The following RNF216 variants were observed in gnomAD, a reference collection of about 807,000 sequenced individuals.
RNF216 encodes ring finger protein 216.
Under a neutral mutation model 110.8 loss-of-function variants are expected in RNF216, and 72 were observed. The observed-to-expected ratio is 0.65, with a 90% CI of 0.54 to 0.79. RNF216 has a LOEUF of 0.79. Ranked by LOEUF, RNF216 falls within the 30% of genes least tolerant of loss-of-function variation. The pLI is 0.00. For missense variants in RNF216, 1,342 were observed against 1,141.2 expected (o/e 1.18, Z -2.54); for synonymous variants, 495 against 407.5 (o/e 1.21, Z -2.59).
chr7:5,705,436 T>C (rs1792220343), intron 13 of RNF216, among the ~76,000 whole-genome samples: 2 of 152,326 alleles, frequency 1.3e-5, no homozygotes, highest in African/African-American at 4.8e-5. Flanking sequence ...CTCTCAAATC[T>C]GCTCCTGTTC....
intron 14 of RNF216, among the ~76,000 whole-genome samples, chr7:5,649,386 GA>G (rs34613411): frequency 0.63 from 92,877 of 146,802 alleles, 30,072 homozygotes; most frequent in East Asian, 0.97. Context: ...GTCTCCAAAG[GA>G]AAAAAAAAAA....
intron 3 of RNF216, among the ~76,000 whole-genome samples, chr7:5,747,825 C>T (rs906748271): frequency 3.4e-5 from 5 of 148,908 alleles, no homozygotes; most frequent in Admixed American, 3.3e-4. Flanking sequence ...AGGTCCCAGG[C>T]TGAAGTATAG....
At chr7:5,706,875 TTTC>T (rs1054398985) in intron 13 of RNF216, among the ~76,000 whole-genome samples, 8 of 152,224 alleles carry the variant, frequency 5.3e-5, no homozygotes, top group African/African-American at 1.9e-4. Context: ...CCACCTACGT[TTTC>T]TTCTAGTTTT....
intron 7 of RNF216, among the ~76,000 whole-genome samples, chr7:5,728,718 G>A (rs1479655438): frequency 2.0e-5 from 3 of 152,140 alleles, no homozygotes; most frequent in South Asian, 2.1e-4. Context: ...ATAACTCCAC[G>A]TTTGTCCTTT....
In RNF216 at chr7:5,753,430, A is replaced by C. The variant is rs374050276; in HGVS notation, c.68-451T>G. ...ATATTGAAATTTGCTCATCTTAAAC[A>C]CAAACTTTAAGAATCATTTAAGCAA... On this transcript the variant is annotated intron_variant, in intron 2 of 16. Transcript: ENST00000389902. 2.6e-5 allele frequency among the ~76,000 whole-genome samples: 4 copies of C among 152,344 alleles called. No homozygotes were observed. The East Asian group carries it at 5.8e-4, about 22-fold the overall frequency.
chr7:5,688,435 C>G (rs1490025281), intron 13 of RNF216, among the ~76,000 whole-genome samples: 2 of 152,192 alleles, frequency 1.3e-5, no homozygotes, highest in African/African-American at 4.8e-5. Flanking sequence ...ATGTTCGTAT[C>G]TCTGTTGACA....
At chr7:5,715,837 G>C (rs1476657743) in intron 10 of RNF216, among the ~76,000 whole-genome samples, 1 of 148,962 alleles carries the variant, frequency 6.7e-6, no homozygotes, top group South Asian at 2.1e-4. Context: ...CACCTCCCAG[G>C]TTCAAGCGAT....
chr7:5,702,708 T>C (rs1006784574), intron 13 of RNF216, among the ~76,000 whole-genome samples: 1 of 152,252 alleles, frequency 6.6e-6, no homozygotes, highest in Non-Finnish European at 1.5e-5. Context: ...CTGTGATGAA[T>C]AGATTCACTA....
chr7:5,680,544 GGC>G lies in RNF216; in HGVS notation c.2062-28036_2062-28035del, dbSNP rs1790584017. Reference sequence around the variant, plus strand: ...AGCCTCCTGAGTAGCTGGGACTACAGGCGCGCACCACCATGCTCAGCTAATTT... The same window carrying G: ...AGCCTCCTGAGTAGCTGGGACTACAGGCGCACCACCATGCTCAGCTAATTT... On this transcript the variant is annotated intron_variant, in intron 13 of 16. Coordinates refer to ENST00000389902, the MANE Select transcript of RNF216 (RefSeq NM_207111.4). The surrounding 1 kb of genome is among the most constrained non-coding windows in gnomAD (Gnocchi z 4.3). 1 of 152,322 alleles carries G rather than the reference GGC, an allele frequency of 6.6e-6. No individual in the cohort carries two copies. Among genetic ancestry groups the G allele is most frequent in the Admixed American group, 6.5e-5 (1 of 15,278 alleles). The allele number at this position is 152,322 out of a possible 1,614,324, so 9.4% of individuals were successfully genotyped here. A position where few individuals can be genotyped will look rare whatever the true frequency, so the allele number is the denominator to read the frequency against.
At chr7:5,635,281 C>A (rs1034403655) in intron 15 of RNF216, among the ~76,000 whole-genome samples, 2 of 150,304 alleles carry the variant, frequency 1.3e-5, no homozygotes, top group Non-Finnish European at 3.0e-5. Context: ...ACCCACCCCA[C>A]TAACTTCACT....
chr7:5,639,094 GA>G (rs1787576164), intron 15 of RNF216, among the ~76,000 whole-genome samples: 2 of 152,208 alleles, frequency 1.3e-5, no homozygotes, highest in African/African-American at 4.8e-5. Flanking sequence ...TGCAGTTGAG[GA>G]AGAATGTCAT....
intron 14 of RNF216, chr7:5,649,547 CT>C (rs1020318202): frequency 6.6e-6 from 1 of 151,950 alleles, no homozygotes; most frequent in African/African-American, 2.4e-5. Context: ...TGGCAGGATT[CT>C]GTTGCTCTTT....
In RNF216 at chr7:5,729,418, A is replaced by G; in HGVS notation, c.1389+14T>C. 6.2e-7 allele frequency: 1 copy of G among 1,613,752 alleles called. No individual in the cohort carries two copies. Among genetic ancestry groups the G allele is most frequent in the Non-Finnish European group, 8.5e-7 (1 of 1,179,664 alleles). The stretch of plus-strand genomic sequence containing the variant: ...CAAGAGGTGTGACCCCAACAGGAAG[A>G]CCAAGTAGAGTACCTTTCGGGTGAT... On this transcript the variant is annotated intron_variant, in intron 7 of 16. Transcript: ENST00000389902.
At chr7:5,652,329 C>A in intron 14 of RNF216, 84 bp downstream of exon 14, 1 of 984,242 alleles carries the variant, frequency 1.0e-6, no homozygotes, top group South Asian at 1.3e-5. Flanking sequence ...GTTCTTCCGA[C>A]AACAGTATGC....
At chr7:5,737,911 A>ATTCCTGG (rs1794520418) in intron 5 of RNF216, among the ~76,000 whole-genome samples, 1 of 151,992 alleles carries the variant, frequency 6.6e-6, no homozygotes, top group South Asian at 2.1e-4. Flanking sequence ...AACATGATGA[A>ATTCCTGG]ACCCTGTCTC....
In RNF216 at chr7:5,741,128, C is replaced by T. The variant is rs141968108; in HGVS notation, c.889G>A (p.Gly297Arg). Residue 297 changes from glycine (G) to arginine (R), a missense_variant, in exon 4 of 17, where the codon GGA (glycine) becomes AGA (arginine). Gly to Arg is a moderately radical substitution (Grantham distance 125). Transcript: ENST00000389902. ...GCTAACTGCTGGTCTTCAAACTCTCCTAGAGGATGGGCAGGCTGAGGAGAA... is the reference window on the plus strand; with the variant it reads ...GCTAACTGCTGGTCTTCAAACTCTCTTAGAGGATGGGCAGGCTGAGGAGAA... The part of the protein sequence containing the change: ...PSSPQPAHPL[G>R]EFEDQQLASD... The T allele has an allele frequency of 1.2e-6, 2 of 1,614,052 alleles. No homozygotes were observed. The highest frequency in any genetic ancestry group is 3.3e-5 in the Admixed American group (2 of 59,990).
At chr7:5,775,946 C>T (rs1796751636) in intron 1 of RNF216, among the ~76,000 whole-genome samples, 1 of 152,048 alleles carries the variant, frequency 6.6e-6, no homozygotes, top group South Asian at 2.1e-4. Flanking sequence ...TCACACCAGG[C>T]CTCCACAATA....
intron 13 of RNF216, among the ~76,000 whole-genome samples, chr7:5,700,847 G>A (rs1001410791): frequency 2.0e-5 from 3 of 152,176 alleles, no homozygotes; most frequent in African/African-American, 7.2e-5. Flanking sequence ...TGCCCTCCCA[G>A]TAGGACAAAA....
chr7:5,690,863 TAC>T (rs1791290492), intron 13 of RNF216, among the ~76,000 whole-genome samples: 1 of 152,030 alleles, frequency 6.6e-6, no homozygotes, highest in African/African-American at 2.4e-5. Context: ...TAATAACACA[TAC>T]GCACATGTGT....
Sources: allele counts gnomAD v4.1 joint callset (sites outside exome capture counted in the v4.1 genomes callset), GRCh38; gene constraint gnomAD v4.1.1; non-coding constraint Gnocchi (gnomAD v3.1); transcripts MANE v1.5; gene names NCBI Gene and HGNC (gene_info 2026-07-23, HGNC 2026-07-21).